FAXDC2: variants seen among roughly 807,000 people sequenced by gnomAD.
The protein encoded by FAXDC2 is fatty acid hydroxylase domain containing 2.
A neutral mutation model predicts 40.9 loss-of-function variants in FAXDC2; 41 were observed. The observed-to-expected ratio is 1.00, with a 90% CI of 0.78 to 1.30. The LOEUF is 1.30. FAXDC2 is among the 50% of genes most tolerant of loss of function. The pLI is 0.00. For synonymous variants in FAXDC2, 157 were observed against 149.3 expected, an observed-to-expected ratio of 1.05 and a Z score of -0.38; for missense variants, 390 against 408.8, an observed-to-expected ratio of 0.95 and a Z score of 0.40.
intron 8 of FAXDC2, chr5:154,821,030 C>G: frequency 1.9e-6 from 1 of 522,808 alleles, no homozygotes; most frequent in South Asian, 2.6e-5. Context: ...AGAGCTTATT[C>G]AAAGGGCCCA....
At position 154,820,476 on chromosome 5, in the gene FAXDC2, GAAGA is replaced by G. The variant is rs2113115562; in HGVS notation, c.846-8_846-5del. 1 of 1,606,490 alleles carries G rather than the reference GAAGA, an allele frequency of 6.2e-7. No individual in the cohort carries two copies. The highest frequency in any genetic ancestry group is 8.5e-7 in the Non-Finnish European group (1 of 1,176,222). Reference sequence around the variant, plus strand: ...CACCCCATAGCACTGGTTGAACCTAGAAGAGAGAGGACGGCACTGCAGTGCCCAT... The same window carrying G: ...CACCCCATAGCACTGGTTGAACCTAGGAGAGGACGGCACTGCAGTGCCCAT... On this transcript the variant is annotated splice_polypyrimidine_tract_variant and splice_region_variant and intron_variant, in intron 8 of 8. Coordinates refer to ENST00000326080, the MANE Select transcript of FAXDC2 (RefSeq NM_032385.5).
At chr5:154,829,895 C>CT (rs1760145914) in intron 5 of FAXDC2, among the ~76,000 whole-genome samples, 1 of 152,178 alleles carries the variant, frequency 6.6e-6, no homozygotes, top group South Asian at 2.1e-4. Context: ...GAGGAAGCCC[C>CT]CAAGCCTGGC....
At chr5:154,833,415 G>A (rs1197859801) in intron 4 of FAXDC2, among the ~76,000 whole-genome samples, 23 of 142,806 alleles carry the variant, frequency 1.6e-4, no homozygotes, top group Non-Finnish European at 3.4e-4. Flanking sequence ...GCACCATCTC[G>A]GCTCACTGCA....
At chr5:154,848,040 C>T (rs1032003453) in intron 1 of FAXDC2, among the ~76,000 whole-genome samples, 3 of 152,134 alleles carry the variant, frequency 2.0e-5, no homozygotes, top group South Asian at 2.1e-4. Context: ...AGGGTTTCAC[C>T]ATGTTAGCCA....
rs113842272 is a variant in FAXDC2, at chr5:154,823,931, T to C, written c.367-339A>G. The C allele has an allele frequency of 7.7e-4, 236 of 304,870 alleles. 1 individual carries two copies. Among genetic ancestry groups the C allele is most frequent in the African/African-American group, 4.7e-3 (222 of 47,014 alleles). The allele number at this position is 304,870 out of a possible 1,614,324, so 18.9% of individuals were successfully genotyped here. On this transcript the variant is annotated intron_variant, in intron 5 of 8. Coordinates refer to ENST00000326080, the MANE Select transcript of FAXDC2 (RefSeq NM_032385.5). ...TTACAGGTAACTTGGGTAGCCTCCA[T>C]GGTGCTTGGAGAAGGCTGTGACTTT...
intron 5 of FAXDC2, chr5:154,829,533 G>C (rs1228291656): frequency 6.5e-6 from 1 of 154,448 alleles, no homozygotes; most frequent in Admixed American, 6.5e-5. Context: ...TCTTGAGCTA[G>C]TCACTGGACA....
rs768098182 is a variant in FAXDC2, at chr5:154,822,564, G to T, written c.586C>A (p.Pro196Thr). The T allele has an allele frequency of 6.2e-7, 1 of 1,613,732 alleles. No homozygotes were observed. The highest frequency in any genetic ancestry group is 1.1e-5 in the South Asian group (1 of 91,080). ...FYYSHRLLHH[P>T]TFYKKIHKKH... ...TTGTGGATTTTCTTGTAGAATGTTG[G>T]GTGGTGAAGGAGCCTGGGGAAATAG... The change falls in exon 7 of 9, where the codon CCA (proline) becomes ACA (threonine). Residue 196 changes from proline to threonine, a missense_variant. Coordinates refer to ENST00000326080, the MANE Select transcript of FAXDC2 (RefSeq NM_032385.5).
At position 154,823,462 on chromosome 5, in the gene FAXDC2, G is replaced by A. The variant is rs765243123; in HGVS notation, c.497C>T (p.Pro166Leu). 6.8e-6 allele frequency: 11 copies of A among 1,614,200 alleles called. No homozygotes were observed. The highest frequency in any genetic ancestry group is 8.5e-6 in the Non-Finnish European group (10 of 1,180,038). Residue 166 changes from proline to leucine, a missense_variant, in exon 6 of 9, where the codon CCC becomes CTC. Transcript: ENST00000326080. Reference protein sequence around the residue: ...WWRDPCRRELPTFHWFLLELA... With the variant: ...WWRDPCRRELLTFHWFLLELA... ...CTCCAGGAGGAACCAGTGGAAGGTG[G>A]GTAGCTCACGGCGGCAGGGGTCTCT...
At chr5:154,848,784 T>A (rs1288498214) in intron 1 of FAXDC2, among the ~76,000 whole-genome samples, 1 of 151,492 alleles carries the variant, frequency 6.6e-6, no homozygotes, top group Non-Finnish European at 1.5e-5. Flanking sequence ...CTGGCCAACA[T>A]GGCGAAACTC....
intron 3 of FAXDC2, 30 bp downstream of exon 3, chr5:154,834,813 C>T (rs1431787253): frequency 1.9e-6 from 3 of 1,599,480 alleles, no homozygotes; most frequent in African/African-American, 2.7e-5. Context: ...CACCACCACA[C>T]TGCACCCTAG....
chr5:154,818,503 C>T lies in FAXDC2; in HGVS notation c.*1813G>A, dbSNP rs189883354. 3.9e-5 allele frequency: 6 copies of T among 152,276 alleles called. No homozygotes were observed. The highest frequency in any genetic ancestry group is 1.4e-4 in the African/African-American group (6 of 41,550). The allele number at this position is 152,276 out of a possible 1,614,324, so 9.4% of individuals were successfully genotyped here. A position where few individuals can be genotyped will look rare whatever the true frequency, so the allele number is the denominator to read the frequency against. The stretch of plus-strand genomic sequence containing the variant: ...ATTATCCACTGGAATTCATGAAGAC[C>T]AGTTTATTTTACATGCTTGCTTTCA... On this transcript the variant is annotated 3_prime_UTR_variant, in exon 9 of 9. Transcript: ENST00000326080.
chr5:154,833,380 C>G (rs1760240882), intron 4 of FAXDC2, among the ~76,000 whole-genome samples: 1 of 150,786 alleles, frequency 6.6e-6, no homozygotes, highest in African/African-American at 2.4e-5. Flanking sequence ...GAGTCGTGCC[C>G]TATTGCCCAG....
Position 154,822,577 on chromosome 5 carries a change from C to T in FAXDC2, c.573G>A (p.Arg191=). Residue 191 remains arginine (R), a splice_region_variant and synonymous_variant, in exon 7 of 9, where the codon CGG becomes CGA. Transcript: ENST00000326080. ...TGTAGAATGTTGGGTGGTGAAGGAG[C>T]CTGGGGAAATAGTTAATAGTTAATA... ...IEEVLFYYSH[R]LLHHPTFYKK... The T allele has an allele frequency of 1.2e-6, 2 of 1,611,776 alleles. 1 individual carries two copies. The highest frequency in any genetic ancestry group is 3.3e-4 in the Middle Eastern group (2 of 6,056).
At chr5:154,839,949 C>T (rs1365537236) in intron 1 of FAXDC2, among the ~76,000 whole-genome samples, 3 of 152,108 alleles carry the variant, frequency 2.0e-5, no homozygotes, top group Non-Finnish European at 4.4e-5. Context: ...CACTGGCCAT[C>T]CCTATTAGAT....
intron 1 of FAXDC2, among the ~76,000 whole-genome samples, chr5:154,844,551 CT>C (rs1760552898): frequency 2.6e-5 from 4 of 152,126 alleles, no homozygotes; most frequent in African/African-American, 9.6e-5. Context: ...TTTAAAGCAC[CT>C]GTTTATTTTC....
At position 154,822,405 on chromosome 5, in the gene FAXDC2, G is replaced by A. The variant is rs548388998; in HGVS notation, c.678+67C>T. ...GCCGGTGTGGTCTAAGTTCTCTGCA[G>A]GAGACCTTCAGGAAGGTGGTTGGGG... is the stretch of plus-strand genomic sequence containing the variant. On this transcript the variant is annotated intron_variant, in intron 7 of 8. Coordinates refer to ENST00000326080, the MANE Select transcript of FAXDC2 (RefSeq NM_032385.5). 1.7e-4 allele frequency: 184 copies of A among 1,092,994 alleles called. No individual in the cohort carries two copies. In the African/African-American group the frequency reaches 2.6e-3, roughly 16 times the overall value. 67.7% of individuals were successfully genotyped at this position (1,092,994 alleles called of 1,614,324 possible).
At chr5:154,839,219 A>G (rs1354597853) in intron 1 of FAXDC2, among the ~76,000 whole-genome samples, 1 of 150,814 alleles carries the variant, frequency 6.6e-6, no homozygotes, top group African/African-American at 2.4e-5. Flanking sequence ...CCAGCTACTC[A>G]GGAGGCTGCG....
At chr5:154,821,003 T>TAGA (rs1258036566) in intron 8 of FAXDC2, 1 of 461,748 alleles carries the variant, frequency 2.2e-6, no homozygotes, top group East Asian at 4.6e-5. Context: ...ATATGTACTT[T>TAGA]TCTAAAGAGA....
chr5:154,835,706 GAGT>G (rs1267662179), intron 2 of FAXDC2, among the ~76,000 whole-genome samples: 2 of 151,416 alleles, frequency 1.3e-5, no homozygotes, highest in Non-Finnish European at 2.9e-5. Context: ...TCAGACTCTG[GAGT>G]AGCTGGGACT....
Sources: allele counts gnomAD v4.1 joint callset (sites outside exome capture counted in the v4.1 genomes callset), GRCh38; gene constraint gnomAD v4.1.1; transcripts MANE v1.5; gene names NCBI Gene and HGNC (gene_info 2026-07-23, HGNC 2026-07-21).